Variants in STPG2 observed in about 807,000 individuals in gnomAD.
STPG2 encodes sperm-tail PG-rich repeat-containing protein 2.
In STPG2, 56 loss-of-function variants were observed where a neutral mutation model predicts 54.2. That is an observed-to-expected ratio of 1.03 (90% CI 0.83 to 1.29). STPG2 has a LOEUF of 1.29. Among genes scored for constraint, STPG2 ranks in the 50% most tolerant of loss-of-function variants. The pLI is 0.00. For missense variants in STPG2, 596 were observed against 544.9 expected (o/e 1.09, Z -0.93); for synonymous variants, 200 against 181.8 (o/e 1.10, Z -0.81).
chr4:97,709,505 T>A (rs1445704688), intron 10 of STPG2, among the ~76,000 whole-genome samples: 2 of 26,240 alleles, frequency 7.6e-5, no homozygotes, highest in African/African-American at 4.6e-4. Flanking sequence ...TAAAATGAAT[T>A]GTTATTGAAC....
At chr4:97,893,633 G>T (rs1028738872) in intron 8 of STPG2, among the ~76,000 whole-genome samples, 4 of 152,048 alleles carry the variant, frequency 2.6e-5, no homozygotes, top group African/African-American at 4.8e-5. Flanking sequence ...AAAACTTACT[G>T]CTGTCAGGAA....
rs533219919 is a variant in STPG2, at chr4:97,931,778, C to G, written c.1044+12119G>C. Among the ~76,000 whole-genome samples, 640 of 151,814 alleles carry G rather than the reference C, an allele frequency of 4.2e-3. 3 individuals carry two copies. The highest frequency in any genetic ancestry group is 0.024 in the South Asian group (117 of 4,812). On this transcript the variant is annotated intron_variant, in intron 8 of 10. Transcript: ENST00000295268. ...CATAGACTGAGTTAGGAAGTAGTCC[C>G]TTCTCCTCAATTTTTTTTAATAGTT...
At chr4:97,863,257 A>T (rs1376573447) in intron 8 of STPG2, among the ~76,000 whole-genome samples, 1 of 152,220 alleles carries the variant, frequency 6.6e-6, no homozygotes, top group Non-Finnish European at 1.5e-5. Context: ...AAACATGATG[A>T]AGGGGATATC....
In STPG2 at chr4:97,694,812, C is replaced by CAAAAAAAAA. The variant is rs70953083; in HGVS notation, c.1320+17878_1320+17886dup. On this transcript the variant is annotated intron_variant, in intron 10 of 10. Coordinates refer to ENST00000295268, the MANE Select transcript of STPG2 (RefSeq NM_174952.3). Reference sequence around the variant, plus strand: ...TGGGTTACAGAGCAAGACTCTGTCACAAAAAAAAAAAAAAAAAAAAAAAAA... The same window carrying CAAAAAAAAA: ...TGGGTTACAGAGCAAGACTCTGTCACAAAAAAAAAAAAAAAAAAAAAAAAAAAAAAAAAA... Among the ~76,000 whole-genome samples, 18 of 44,032 alleles carry CAAAAAAAAA rather than the reference C, an allele frequency of 4.1e-4. 4 individuals are homozygous for CAAAAAAAAA. Among genetic ancestry groups the CAAAAAAAAA allele is most frequent in the Non-Finnish European group, 6.4e-4 (15 of 23,454 alleles). The allele number at this position is 44,032 out of a possible 152,430, so 28.9% of individuals were successfully genotyped here. A position where few individuals can be genotyped will look rare whatever the true frequency, so the allele number is the denominator to read the frequency against.
chr4:98,086,700 A>G, intron 5 of STPG2, among the ~76,000 whole-genome samples: 1 of 145,570 alleles, frequency 6.9e-6, no homozygotes, highest in African/African-American at 2.6e-5. Flanking sequence ...TGCCCTGCAC[A>G]AATCTAAGCA....
chr4:97,816,225 GCTGCATAGTA>G (rs551371567), intron 9 of STPG2, among the ~76,000 whole-genome samples: 185 of 152,084 alleles, frequency 1.2e-3, no homozygotes, highest in Non-Finnish European at 2.1e-3. Flanking sequence ...CTTTTTTATG[GCTGCATAGTA>G]CTCCATGGTA....
chr4:97,635,920 TAGAC>T, intron 10 of STPG2, among the ~76,000 whole-genome samples: 1 of 152,008 alleles, frequency 6.6e-6, no homozygotes, highest in East Asian at 1.9e-4. Flanking sequence ...CTGTCAACAT[TAGAC>T]AGATCAACGA....
chr4:98,133,234 G>A (rs1433978859), intron 2 of STPG2, among the ~76,000 whole-genome samples: 1 of 151,876 alleles, frequency 6.6e-6, no homozygotes, highest in Non-Finnish European at 1.5e-5. Context: ...AATTAATTTG[G>A]GTGAAATTAC....
In STPG2 at chr4:97,947,492, G is replaced by A. The variant is rs746693109; in HGVS notation, c.934-3485C>T. ...GATCTTCATCTTGTTCCAGTTCTCA[G>A]TGGGAATGATTTCAACTTTTCCTCA... On this transcript the variant is annotated intron_variant, in intron 7 of 10. Coordinates refer to ENST00000295268, the MANE Select transcript of STPG2 (RefSeq NM_174952.3). Among the ~76,000 whole-genome samples the A allele has an allele frequency of 1.8e-4, 27 of 152,160 alleles. No homozygotes were observed. In the Middle Eastern group the frequency reaches 0.017, roughly 96 times the overall value.
intron 8 of STPG2, among the ~76,000 whole-genome samples, chr4:97,855,477 G>A (rs1341830751): frequency 6.6e-6 from 1 of 152,150 alleles, no homozygotes; most frequent in East Asian, 1.9e-4. Context: ...CTTATTTTGA[G>A]AAGTGTCTGT....
chr4:97,781,172 T>C (rs1048232050), intron 9 of STPG2, among the ~76,000 whole-genome samples: 10 of 151,666 alleles, frequency 6.6e-5, no homozygotes, highest in African/African-American at 2.4e-4. Flanking sequence ...ATCAAGAAAA[T>C]TGATAGACCG....
At chr4:97,793,429 TAA>T (rs1471506077) in intron 9 of STPG2, among the ~76,000 whole-genome samples, 1 of 151,534 alleles carries the variant, frequency 6.6e-6, no homozygotes, top group Non-Finnish European at 1.5e-5. Flanking sequence ...TATAAATTAT[TAA>T]AGTTACATAT....
intron 10 of STPG2, among the ~76,000 whole-genome samples, chr4:97,640,093 T>C (rs1301131084): frequency 6.6e-6 from 1 of 152,030 alleles, no homozygotes; most frequent in Non-Finnish European, 1.5e-5. Flanking sequence ...AATCTAAAGA[T>C]GAGCTTGCCA....
chr4:97,771,446 A>C (rs1726216911), intron 9 of STPG2, among the ~76,000 whole-genome samples: 1 of 152,114 alleles, frequency 6.6e-6, no homozygotes, highest in South Asian at 2.1e-4. Context: ...CTACTGGATG[A>C]CAAAGAAGTT....
At chr4:97,471,514 T>C (rs1729927936) in intron 4 of STPG2, among the ~76,000 whole-genome samples, 1 of 152,116 alleles carries the variant, frequency 6.6e-6, no homozygotes, top group Admixed American at 6.6e-5. Flanking sequence ...TTCTTGTACA[T>C]GGTATACATT....
chr4:97,733,117 T>C (rs977974556), intron 9 of STPG2, among the ~76,000 whole-genome samples: 2 of 152,128 alleles, frequency 1.3e-5, no homozygotes, highest in Non-Finnish European at 2.9e-5. Flanking sequence ...ATAATAATTA[T>C]ATTAAAAGAC....
chr4:97,528,514 AT>A (rs888542643), intron 4 of STPG2, among the ~76,000 whole-genome samples: 1 of 151,978 alleles, frequency 6.6e-6, no homozygotes, highest in Admixed American at 6.6e-5. Context: ...AATTTAAAGT[AT>A]TTTTTTCCAA....
Position 98,050,451 on chromosome 4 carries a change from A to T in STPG2, c.612+55502T>A, listed in dbSNP as rs535970983. ...TTCACATTAAGTTTTTTATTTTTTA[A>T]AAAAAAGGGGGTTCTGCCCCTCTCT... On this transcript the variant is annotated intron_variant, in intron 5 of 10. Transcript: ENST00000295268. 9.1e-3 allele frequency among the ~76,000 whole-genome samples: 1,374 copies of T among 151,682 alleles called. 5 individuals carry two copies. Among genetic ancestry groups the T allele is most frequent in the Non-Finnish European group, 0.015 (1,003 of 67,862 alleles).
chr4:98,078,102 G>GA (rs1198065823), intron 5 of STPG2, among the ~76,000 whole-genome samples: 6 of 151,466 alleles, frequency 4.0e-5, no homozygotes, highest in Non-Finnish European at 5.9e-5. Flanking sequence ...GAGAGAGAGA[G>GA]AAAAAAAAGA....
Sources: gnomAD v4.1 joint callset for allele counts (sites outside exome capture counted in the v4.1 genomes callset) on GRCh38, gnomAD v4.1.1 for gene constraint, MANE v1.5 for transcripts, NCBI Gene and HGNC (gene_info 2026-07-23, HGNC 2026-07-21) for gene names.